Variants in DMD observed in about 807,000 individuals in gnomAD.
DMD encodes the protein mutant dystrophin.
A neutral mutation model predicts 330.1 loss-of-function variants in DMD; 63 were observed. The observed-to-expected ratio is 0.19, with a 90% CI of 0.16 to 0.24. DMD has a LOEUF of 0.24. Among genes scored for constraint, DMD ranks in the 10% least tolerant of loss-of-function variants. The pLI, the probability that DMD is intolerant of heterozygous loss-of-function variation, is 1.00. For missense variants in DMD, 3,344 were observed against 2,684.1 expected (o/e 1.25, Z -5.43); for synonymous variants, 1,223 against 959.8 (o/e 1.27, Z -5.07).
chrX:32,095,277 G>A (rs187273838), intron 44 of DMD, among the ~76,000 whole-genome samples: 5 of 111,952 alleles, frequency 4.5e-5, no homozygotes, highest in African/African-American at 1.3e-4. Flanking sequence ...TGAAAATGAC[G>A]TGAGTGAGAG....
At chrX:31,205,706 C>T (rs895960717) in intron 66 of DMD, among the ~76,000 whole-genome samples, 3 of 112,263 alleles carry the variant, frequency 2.7e-5, no homozygotes, top group Non-Finnish European at 5.6e-5. Flanking sequence ...AAAGTGAGGG[C>T]CAAAATGGTT....
intron 47 of DMD, among the ~76,000 whole-genome samples, chrX:31,884,321 A>G (rs960458179): frequency 2.0e-4 from 22 of 112,031 alleles, no homozygotes; most frequent in African/African-American, 7.1e-4. Flanking sequence ...GCCTTAGGAA[A>G]GAAAGAAATC....
At chrX:31,366,219 T>A (rs1197959623) in intron 60 of DMD, among the ~76,000 whole-genome samples, 2 of 110,472 alleles carry the variant, frequency 1.8e-5, no homozygotes, top group Admixed American at 9.7e-5. Context: ...TTGTGTTTCT[T>A]TGGATGCCAA....
Position 33,235,917 on chromosome X carries a change from T to A in DMD, c.7+103342A>T, listed in dbSNP as rs569072825. 3.3e-3 allele frequency among the ~76,000 whole-genome samples: 280 copies of A among 85,884 alleles called. 2 individuals carry two copies. The highest frequency in any genetic ancestry group is 7.6e-3 in the South Asian group (14 of 1,845). The allele number at this position is 85,884 out of a possible 115,157, so 74.6% of individuals were successfully genotyped here. ...ACTTATATTATTATTATTATTATTA[T>A]TTTTTTTTTTTTTTATGAGACGGAA... On this transcript the variant is annotated intron_variant, in intron 1 of 17. Transcript: ENST00000288447.
intron 2 of DMD, among the ~76,000 whole-genome samples, chrX:32,860,826 T>C (rs2082023366): frequency 9.0e-6 from 1 of 111,265 alleles, no homozygotes; most frequent in African/African-American, 3.3e-5. Flanking sequence ...CTATGACGAC[T>C]TGTGGCATCA....
chrX:32,578,092 G>T (rs983752923), intron 13 of DMD, among the ~76,000 whole-genome samples: 1 of 111,731 alleles, frequency 9.0e-6, no homozygotes, highest in African/African-American at 3.3e-5. Context: ...TGCCTGAATG[G>T]CTATAACAAA....
chrX:32,405,342 T>G (rs1025550706), intron 30 of DMD, among the ~76,000 whole-genome samples: 1 of 111,662 alleles, frequency 9.0e-6, no homozygotes, highest in Non-Finnish European at 1.9e-5. Flanking sequence ...CTAAATTTGT[T>G]CCATGTGTTT....
intron 12 of DMD, among the ~76,000 whole-genome samples, chrX:32,609,850 A>G: frequency 9.0e-6 from 1 of 111,418 alleles, no homozygotes; most frequent in Non-Finnish European, 1.9e-5. Flanking sequence ...GCTGTCACCA[A>G]GGTTATGCAT....
intron 44 of DMD, among the ~76,000 whole-genome samples, chrX:32,057,249 T>C (rs768795037): frequency 5.4e-5 from 6 of 111,678 alleles, no homozygotes; most frequent in South Asian, 7.3e-4. Context: ...TTCAAAATCG[T>C]ACCAGAAGTA....
At chrX:32,138,229 T>C (rs924863695) in intron 44 of DMD, among the ~76,000 whole-genome samples, 1 of 110,823 alleles carries the variant, frequency 9.0e-6, no homozygotes, top group Non-Finnish European at 1.9e-5. Context: ...ACCAATTCCT[T>C]TCCCTATATA....
rs1014156073 is a variant in DMD, at chrX:32,730,371, C to T, written c.650-31078G>A. ...TTAAAATAAATAAAATGTAATGGTG[C>T]CATAAGTAAATGCATAGATATGTGA... On this transcript the variant is annotated intron_variant, in intron 7 of 78. Transcript: ENST00000357033. Among the ~76,000 whole-genome samples the T allele has an allele frequency of 1.3e-4, 14 of 111,416 alleles. No homozygotes were observed. In the Admixed American group the frequency reaches 1.3e-3, roughly 11 times the overall value.
intron 57 of DMD, among the ~76,000 whole-genome samples, chrX:31,483,882 T>A (rs1020391126): frequency 2.7e-5 from 3 of 112,196 alleles, no homozygotes; most frequent in Non-Finnish European, 5.6e-5. Flanking sequence ...TAAGATCCTC[T>A]TTAATTTAGT....
At chrX:32,410,965 T>C (rs952610459) in intron 30 of DMD, among the ~76,000 whole-genome samples, 1 of 111,400 alleles carries the variant, frequency 9.0e-6, no homozygotes, top group Non-Finnish European at 1.9e-5. Flanking sequence ...TGTAGCTATA[T>C]TGAGCATGAT....
intron 44 of DMD, among the ~76,000 whole-genome samples, chrX:32,196,183 G>A (rs1407185215): frequency 1.8e-5 from 2 of 112,407 alleles, no homozygotes; most frequent in African/African-American, 6.5e-5. Flanking sequence ...ATAAATTATA[G>A]CCAAGTATGG....
intron 51 of DMD, among the ~76,000 whole-genome samples, chrX:31,735,114 T>C (rs2086777920): frequency 9.0e-6 from 1 of 111,138 alleles, no homozygotes; most frequent in African/African-American, 3.3e-5. Context: ...TTGGGAGACA[T>C]GGGACTTCTT....
chrX:32,824,952 G>A (rs2078578567), intron 4 of DMD, among the ~76,000 whole-genome samples: 1 of 111,578 alleles, frequency 9.0e-6, no homozygotes, highest in South Asian at 3.7e-4. Flanking sequence ...GGCAGTAGAG[G>A]AGAGAAATTC....
chrX:31,332,251 C>T (rs191198281), intron 61 of DMD, among the ~76,000 whole-genome samples: 2 of 112,256 alleles, frequency 1.8e-5, no homozygotes, highest in East Asian at 5.6e-4. Context: ...GAACTCACAG[C>T]CTAGAGGCGA....
At chrX:31,995,454 AAG>A (rs777617433) in intron 44 of DMD, among the ~76,000 whole-genome samples, 38 of 112,353 alleles carry the variant, frequency 3.4e-4, no homozygotes, top group African/African-American at 1.0e-3. Context: ...AATAAGAAAA[AAG>A]AAAATGCAAA....
intron 1 of DMD, among the ~76,000 whole-genome samples, chrX:33,319,745 A>T (rs2053987726): frequency 8.9e-6 from 1 of 112,063 alleles, no homozygotes; most frequent in Non-Finnish European, 1.9e-5. Context: ...TTTTTCTTCT[A>T]TCAAAATCTG....
Sources: gnomAD v4.1 joint callset for allele counts (sites outside exome capture counted in the v4.1 genomes callset) on GRCh38, gnomAD v4.1.1 for gene constraint, MANE v1.5 for transcripts, NCBI Gene and HGNC (gene_info 2026-07-23, HGNC 2026-07-21) for gene names.